RAF1: variants seen among roughly 807,000 people sequenced by gnomAD.
The protein encoded by RAF1 is RAF proto-oncogene serine/threonine-protein kinase.
Under a neutral mutation model 81.1 loss-of-function variants are expected in RAF1, and 27 were observed. That is an observed-to-expected ratio of 0.33 (90% CI 0.25 to 0.46). The LOEUF (loss-of-function observed/expected upper bound fraction) is 0.46. RAF1 is among the 20% of genes least tolerant of loss of function. RAF1 has a pLI of 1.00. For missense variants in RAF1, 598 were observed against 826.0 expected, an observed-to-expected ratio of 0.72 and a Z score of 3.38; for synonymous variants, 298 against 294.0, an observed-to-expected ratio of 1.01 and a Z score of -0.14.
At chr3:12,655,241 C>T (rs888178294) in intron 1 of RAF1, among the ~76,000 whole-genome samples, 28 of 152,224 alleles carry the variant, frequency 1.8e-4, no homozygotes, top group African/African-American at 6.3e-4. Flanking sequence ...CGCCAACAAG[C>T]CCAGCGAATT....
intron 9 of RAF1, 42 bp downstream of exon 8, chr3:12,600,346 A>G: frequency 1.2e-6 from 2 of 1,614,172 alleles, no homozygotes; most frequent in African/African-American, 1.3e-5. Context: ...GCATAAAGAA[A>G]AAAAGCCCAT....
intron 1 of RAF1, among the ~76,000 whole-genome samples, chr3:12,660,821 A>G (rs1352399096): frequency 6.6e-6 from 1 of 152,236 alleles, no homozygotes; most frequent in Non-Finnish European, 1.5e-5. Flanking sequence ...CTAAAAACAT[A>G]AAAGTTGGCT....
At chr3:12,630,562 T>C (rs768327522) in intron 1 of RAF1, among the ~76,000 whole-genome samples, 1 of 152,114 alleles carries the variant, frequency 6.6e-6, no homozygotes, top group South Asian at 2.1e-4. Flanking sequence ...TGGAAATCAG[T>C]GAGTCTGACT....
At chr3:12,661,025 A>T (rs1435571119) in intron 1 of RAF1, among the ~76,000 whole-genome samples, 1 of 152,224 alleles carries the variant, frequency 6.6e-6, no homozygotes. Context: ...CCCAGCATTC[A>T]ACTGGGTCAA....
chr3:12,655,297 G>A (rs986087880), intron 1 of RAF1, among the ~76,000 whole-genome samples: 6 of 152,060 alleles, frequency 3.9e-5, no homozygotes, highest in Admixed American at 2.6e-4. Flanking sequence ...TGTTGGCCAG[G>A]CTGGTCTCGA....
At chr3:12,585,847 T>C (rs1350150405) in intron 14 of RAF1, 48 bp from the exon 14 acceptor site, 4 of 1,361,650 alleles carry the variant, frequency 2.9e-6, no homozygotes, top group Non-Finnish European at 4.2e-6. Flanking sequence ...GTCAGGTTAA[T>C]TTTGAAAAAT....
intron 15 of RAF1, 136 bp downstream of exon 14, chr3:12,585,545 C>T (rs758109391): frequency 9.6e-5 from 131 of 1,370,486 alleles, no homozygotes; most frequent in Non-Finnish European, 1.2e-4. Context: ...TCTACAATTG[C>T]CCTGAGGCTG....
At chr3:12,586,789 T>C (rs1370912493) in intron 14 of RAF1, 1 of 152,216 alleles carries the variant, frequency 6.6e-6, no homozygotes, top group Non-Finnish European at 1.5e-5. Flanking sequence ...CCTCTTCTAA[T>C]AGTGACTTCT....
intron 1 of RAF1, among the ~76,000 whole-genome samples, chr3:12,641,813 T>G (rs2060195785): frequency 6.6e-6 from 1 of 152,142 alleles, no homozygotes; most frequent in Non-Finnish European, 1.5e-5. Flanking sequence ...TTCTTAAGTG[T>G]AACTACGTAA....
chr3:12,626,589 T>TA (rs35131384), intron 1 of RAF1, among the ~76,000 whole-genome samples: 32 of 146,264 alleles, frequency 2.2e-4, no homozygotes, highest in Admixed American at 7.5e-4. Context: ...AGACCTTGTC[T>TA]AAAAAAAAAA....
chr3:12,638,939 C>A (rs756877493), intron 1 of RAF1, among the ~76,000 whole-genome samples: 8 of 152,118 alleles, frequency 5.3e-5, no homozygotes, highest in Non-Finnish European at 1.2e-4. Flanking sequence ...TGTACAGGAA[C>A]ATGATGGATT....
At chr3:12,593,140 G>C (rs906300482) in intron 11 of RAF1, among the ~76,000 whole-genome samples, 2 of 147,752 alleles carry the variant, frequency 1.4e-5, no homozygotes, top group Non-Finnish European at 3.0e-5. Flanking sequence ...ACCTAGGCTG[G>C]AATGCAGTGG....
At chr3:12,610,647 C>G (rs2059181653) in intron 3 of RAF1, among the ~76,000 whole-genome samples, 1 of 152,204 alleles carries the variant, frequency 6.6e-6, no homozygotes, top group Admixed American at 6.6e-5. Context: ...TTGAGAATTA[C>G]ACTCACCCCT....
rs11300070 is a variant in RAF1, at chr3:12,593,095, C to CT, written c.1169-1304dup. Among the ~76,000 whole-genome samples the CT allele has an allele frequency of 2.3e-3, 326 of 142,720 alleles. 3 individuals carry two copies. Among genetic ancestry groups the CT allele is most frequent in the South Asian group, 0.019 (86 of 4,454 alleles). 93.6% of individuals were successfully genotyped at this position (142,720 alleles called of 152,430 possible). The stretch of plus-strand genomic sequence containing the variant: ...CTCTCTGTTGGAGCCTTCCTCCTTC[C>CT]TTTTTTTTTTTTTGAGATGGAGACT... On this transcript the variant is annotated intron_variant, in intron 11 of 17. Transcript: ENST00000442415.
intron 2 of RAF1, among the ~76,000 whole-genome samples, chr3:12,615,919 C>T (rs371066643): frequency 6.6e-5 from 10 of 151,890 alleles, no homozygotes; most frequent in Admixed American, 5.9e-4. Context: ...GGCGTGGTGG[C>T]GGGTGCCTGC....
chr3:12,587,416 G>T (rs1307024630), intron 14 of RAF1, 175 bp downstream of exon 13: 3 of 708,950 alleles, frequency 4.2e-6, no homozygotes, highest in Non-Finnish European at 7.7e-6. Flanking sequence ...GGCATAAGCT[G>T]CTGAGGGACA....
intron 1 of RAF1, among the ~76,000 whole-genome samples, chr3:12,623,314 CAATG>C (rs2125468849): frequency 6.6e-6 from 1 of 152,260 alleles, no homozygotes; most frequent in Admixed American, 6.5e-5. Context: ...AGTAATTTTA[CAATG>C]AATTCTAAGT....
At chr3:12,645,590 G>C (rs1045993616) in intron 1 of RAF1, among the ~76,000 whole-genome samples, 1 of 152,098 alleles carries the variant, frequency 6.6e-6, no homozygotes, top group Non-Finnish European at 1.5e-5. Context: ...TCTGTACTTT[G>C]AAACCTAGGA....
intron 1 of RAF1, among the ~76,000 whole-genome samples, chr3:12,622,152 C>T (rs974246933): frequency 2.0e-5 from 3 of 152,136 alleles, no homozygotes; most frequent in South Asian, 2.1e-4. Context: ...TTTAGGAGTA[C>T]ATACAGCTCC....
Sources: allele counts gnomAD v4.1 joint callset (sites outside exome capture counted in the v4.1 genomes callset), GRCh38; gene constraint gnomAD v4.1.1; transcripts MANE v1.5; gene names NCBI Gene and HGNC (gene_info 2026-07-23, HGNC 2026-07-21).